RASGRF1: variants seen among roughly 807,000 people sequenced by gnomAD.
The protein encoded by RASGRF1 is Ras protein specific guanine nucleotide releasing factor 1.
A neutral mutation model predicts 138.7 loss-of-function variants in RASGRF1; 40 were observed. The ratio of observed to expected loss-of-function variants is 0.29; its 90% CI spans 0.22 to 0.38. The LOEUF (loss-of-function observed/expected upper bound fraction) is 0.38. Ranked by LOEUF, RASGRF1 falls within the 10% of genes least tolerant of loss-of-function variation. RASGRF1 has a pLI of 1.00. For missense variants in RASGRF1, 1,108 were observed against 1,650.4 expected, an observed-to-expected ratio of 0.67 and a Z score of 5.69; for synonymous variants, 614 against 663.2, an observed-to-expected ratio of 0.93 and a Z score of 1.14.
At chr15:79,052,715 G>T (rs2057449383) in intron 3 of RASGRF1, among the ~76,000 whole-genome samples, 1 of 152,208 alleles carries the variant, frequency 6.6e-6, no homozygotes, top group Non-Finnish European at 1.5e-5. Context: ...CCAACAGTTG[G>T]TATATGTGGG....
At chr15:79,036,853 G>A (rs2057229661) in intron 5 of RASGRF1, among the ~76,000 whole-genome samples, 1 of 152,062 alleles carries the variant, frequency 6.6e-6, no homozygotes, top group South Asian at 2.1e-4. Context: ...CCAGGCTAAA[G>A]GGCGAAACTA....
chr15:78,968,810 G>A (rs2141592034), intron 26 of RASGRF1, among the ~76,000 whole-genome samples: 1 of 152,206 alleles, frequency 6.6e-6, no homozygotes, highest in East Asian at 1.9e-4. Context: ...TCATGCCTAG[G>A]CTTCAAATTT....
Position 78,960,489 on chromosome 15 carries a change from TG to T in RASGRF1, c.*1654del, listed in dbSNP as rs1396914810. On this transcript the variant is annotated 3_prime_UTR_variant, in exon 27 of 27. Coordinates refer to ENST00000558480, the MANE Select transcript of RASGRF1 (RefSeq NM_001145648.3). ...GAGAGGCCACGTGTGGATGCTCCCA[TG>T]AACAGCCCCAGTGCAGCCCAGCAGA... The T allele has an allele frequency of 5.3e-5, 8 of 152,336 alleles. No homozygotes were observed. The highest frequency in any genetic ancestry group is 1.9e-4 in the African/African-American group (8 of 41,436). 9.4% of individuals were successfully genotyped at this position (152,336 alleles called of 1,614,324 possible). A position where few individuals can be genotyped will look rare whatever the true frequency, so the allele number is the denominator to read the frequency against.
intron 26 of RASGRF1, among the ~76,000 whole-genome samples, chr15:78,968,250 A>ATGTGTGTGTGTGTG (rs10529968): frequency 0.041 from 5,452 of 134,188 alleles, 151 homozygotes; most frequent in African/African-American, 0.074. Context: ...CATGACACTG[A>ATGTGTGTGTGTGTG]TGTGTGTGTG....
At chr15:78,969,966 CA>C (rs2055718281) in intron 26 of RASGRF1, among the ~76,000 whole-genome samples, 1 of 152,164 alleles carries the variant, frequency 6.6e-6, no homozygotes, top group Non-Finnish European at 1.5e-5. Context: ...CAAAAGTGGC[CA>C]GTTTAACTAA....
chr15:79,042,987 A>G (rs1381081401), intron 5 of RASGRF1, among the ~76,000 whole-genome samples: 1 of 152,210 alleles, frequency 6.6e-6, no homozygotes, highest in Non-Finnish European at 1.5e-5. Flanking sequence ...GGAGGCAGTC[A>G]TGTTCCAGCT....
chr15:79,001,053 T>C (rs766091344), intron 16 of RASGRF1, among the ~76,000 whole-genome samples: 4 of 152,194 alleles, frequency 2.6e-5, no homozygotes, highest in Non-Finnish European at 5.9e-5. Flanking sequence ...GGAAAGGGCT[T>C]TATGAAAACC....
At chr15:79,059,205 T>C (rs2057553218) in intron 2 of RASGRF1, among the ~76,000 whole-genome samples, 1 of 122,868 alleles carries the variant, frequency 8.1e-6, no homozygotes, top group South Asian at 3.1e-4. Context: ...TTCCCTATCT[T>C]TCCCTTCCCT....
At chr15:79,012,414 A>G (rs973672632) in intron 13 of RASGRF1, 42 of 1,119,278 alleles carry the variant, frequency 3.8e-5, no homozygotes, top group Admixed American at 5.9e-5. Context: ...CATGCACTAC[A>G]CTGCTTTCTA....
intron 13 of RASGRF1, among the ~76,000 whole-genome samples, 153 bp downstream of exon 13, chr15:79,015,174 C>T (rs950532319): frequency 6.6e-6 from 1 of 151,896 alleles, no homozygotes; most frequent in Non-Finnish European, 1.5e-5. Context: ...CAACTCAAAA[C>T]AAACAAACAA....
intron 20 of RASGRF1, among the ~76,000 whole-genome samples, chr15:78,994,924 A>AT (rs1215254670): frequency 0.03 from 3,888 of 131,152 alleles, 240 homozygotes; most frequent in African/African-American, 0.087. Flanking sequence ...CCCTTCCAGC[A>AT]CCTTTTTTTT....
chr15:79,087,944 G>A (rs967121777), intron 1 of RASGRF1, among the ~76,000 whole-genome samples: 1 of 152,158 alleles, frequency 6.6e-6, no homozygotes, highest in African/African-American at 2.4e-5. Flanking sequence ...GGCTGCTCTC[G>A]TGAACAAACC....
chr15:78,963,709 C>T (rs188433421), intron 26 of RASGRF1, among the ~76,000 whole-genome samples: 233 of 152,236 alleles, frequency 1.5e-3, no homozygotes, highest in Non-Finnish European at 2.8e-3. Flanking sequence ...AGGTTGGAAC[C>T]GGCTGTCTGC....
chr15:79,017,984 T>C (rs949770681), intron 11 of RASGRF1, 78 bp from the exon 12 acceptor site: 1 of 1,564,122 alleles, frequency 6.4e-7, no homozygotes, highest in Non-Finnish European at 8.7e-7. Flanking sequence ...GTGGTCCCTG[T>C]CGTACGTACC....
intron 1 of RASGRF1, among the ~76,000 whole-genome samples, chr15:79,087,198 C>T (rs2057992446): frequency 6.6e-6 from 1 of 152,212 alleles, no homozygotes; most frequent in South Asian, 2.1e-4. Flanking sequence ...AGCATCTTCA[C>T]GGGGTGAGGA....
intron 9 of RASGRF1, among the ~76,000 whole-genome samples, chr15:79,026,350 ATTCCTGCTTATCCTT>A (rs1206767696): frequency 4.9e-4 from 74 of 152,264 alleles, no homozygotes; most frequent in Middle Eastern, 3.4e-3. Flanking sequence ...TTCCCTGTGA[ATTCCTGCTTATCCTT>A]GGGAAAGCCC....
At chr15:79,079,257 T>TCCCCTTTTCAACAG (rs2057881317) in intron 1 of RASGRF1, among the ~76,000 whole-genome samples, 1 of 152,148 alleles carries the variant, frequency 6.6e-6, no homozygotes, top group Non-Finnish European at 1.5e-5. Flanking sequence ...CAGCCTGCCC[T>TCCCCTTTTCAACAG]CCCCTTTTCA....
Position 79,051,725 on chromosome 15 carries a change from A to C in RASGRF1, c.532-2137T>G, listed in dbSNP as rs544663659. ...GGGACTAGGGCAGAAAATAGATGCA[A>C]TTAGGTCAGGCACCATCCTACATGC... is the stretch of plus-strand genomic sequence containing the variant. On this transcript the variant is annotated intron_variant, in intron 3 of 26. Transcript: ENST00000558480. Among the ~76,000 whole-genome samples the C allele has an allele frequency of 5.9e-5, 9 of 152,326 alleles. No individual in the cohort carries two copies. The East Asian group carries it at 1.4e-3, about 23-fold the overall frequency.
intron 17 of RASGRF1, among the ~76,000 whole-genome samples, chr15:78,999,149 G>A (rs1372119057): frequency 6.6e-6 from 1 of 152,160 alleles, no homozygotes; most frequent in African/African-American, 2.4e-5. Flanking sequence ...CCCTATTCCA[G>A]TCTCTGCTGC....
Sources: gnomAD v4.1 joint callset for allele counts (sites outside exome capture counted in the v4.1 genomes callset) on GRCh38, gnomAD v4.1.1 for gene constraint, MANE v1.5 for transcripts, NCBI Gene and HGNC (gene_info 2026-07-23, HGNC 2026-07-21) for gene names.